The following LINGO2 variants were observed in gnomAD, a reference collection of about 807,000 sequenced individuals.
LINGO2 encodes the protein leucine rich repeat and Ig domain containing 2.
LINGO2 carries 14 observed loss-of-function variants against 30.6 expected under a neutral mutation model. The ratio of observed to expected loss-of-function variants is 0.46; its 90% confidence interval spans 0.30 to 0.72. The LOEUF is 0.72. LINGO2 is among the 30% of genes least tolerant of loss of function. The pLI, the probability that LINGO2 is intolerant of heterozygous loss-of-function variation, is 0.07. For missense variants in LINGO2, 729 were observed against 751.7 expected, an observed-to-expected ratio of 0.97 and a Z score of 0.35; for synonymous variants, 317 against 288.5, an observed-to-expected ratio of 1.10 and a Z score of -1.00.
intron 4 of LINGO2, among the ~76,000 whole-genome samples, chr9:28,067,047 G>A (rs1825333778): frequency 6.6e-6 from 1 of 151,942 alleles, no homozygotes; most frequent in Admixed American, 6.6e-5. Context: ...TGCTTAATAA[G>A]TAATATCTGC....
intron 5 of LINGO2, among the ~76,000 whole-genome samples, chr9:28,000,650 A>G (rs10812717): frequency 0.12 from 18,206 of 152,234 alleles, 1,224 homozygotes; most frequent in Non-Finnish European, 0.16. Flanking sequence ...AATGTCTGAC[A>G]CAGTGATAAG....
At chr9:27,947,527 T>C (rs978963238), downstream of LINGO2, among the ~76,000 whole-genome samples, 4 of 152,154 alleles carry the variant, frequency 2.6e-5, no homozygotes, top group African/African-American at 9.7e-5. Flanking sequence ...CTCTTTATTA[T>C]ACAAGATAAT....
intron 1 of LINGO2, among the ~76,000 whole-genome samples, chr9:28,546,209 T>C (rs1821929571): frequency 6.6e-6 from 1 of 151,996 alleles, no homozygotes; most frequent in South Asian, 2.1e-4. Flanking sequence ...TTTGGTAGTG[T>C]AGGGGTAGAC....
intron 4 of LINGO2, among the ~76,000 whole-genome samples, chr9:28,214,425 C>A (rs938394320): frequency 1.3e-5 from 2 of 151,446 alleles, no homozygotes; most frequent in Non-Finnish European, 3.0e-5. Flanking sequence ...TCTGTCTACC[C>A]GAAGAAAATT....
chr9:28,836,252 C>G, the LINGO2 span, among the ~76,000 whole-genome samples: 2 of 152,310 alleles, frequency 1.3e-5, no homozygotes, highest in African/African-American at 2.4e-5. Context: ...CTATCTGTCT[C>G]TAAGCCCAGT....
chr9:28,037,358 G>A (rs1823987853), intron 4 of LINGO2, among the ~76,000 whole-genome samples: 1 of 152,090 alleles, frequency 6.6e-6, no homozygotes, highest in South Asian at 2.1e-4. Context: ...AGACTAAATT[G>A]CTTACTATTT....
the LINGO2 span, among the ~76,000 whole-genome samples, chr9:28,812,200 G>A: frequency 6.6e-6 from 1 of 151,748 alleles, no homozygotes; most frequent in Non-Finnish European, 1.5e-5. Flanking sequence ...AGAGGAGAAG[G>A]GCTACCTGTC....
At chr9:28,545,658 AG>A (rs145496813) in intron 1 of LINGO2, among the ~76,000 whole-genome samples, 11 of 151,884 alleles carry the variant, frequency 7.2e-5, no homozygotes, top group Non-Finnish European at 1.6e-4. Flanking sequence ...GAGGAAAAAG[AG>A]GGGGGGAACT....
chr9:28,683,619 T>A, the LINGO2 span, among the ~76,000 whole-genome samples: 1 of 152,300 alleles, frequency 6.6e-6, no homozygotes, highest in East Asian at 1.9e-4. Context: ...GGTTCTCTCC[T>A]AGATGCCCAT....
chr9:28,011,665 G>A (rs531415560), intron 5 of LINGO2, among the ~76,000 whole-genome samples: 2 of 152,126 alleles, frequency 1.3e-5, no homozygotes, highest in Admixed American at 6.6e-5. Context: ...ATATATATTA[G>A]TTAGAAGCTT....
At chr9:28,544,982 T>C (rs1034866586) in intron 1 of LINGO2, among the ~76,000 whole-genome samples, 12 of 151,608 alleles carry the variant, frequency 7.9e-5, no homozygotes, top group Admixed American at 1.3e-4. Flanking sequence ...AGGTACTATG[T>C]TAATTATGTT....
rs1020154187 is a variant in LINGO2 at position 28,523,045 on chromosome 9, G to A, written c.-364-47020C>T. ...GGAGTGAAAATATAAGAGATTAGGC[G>A]AAGAAAATCTAACACAGCCATAATT... On this transcript the variant is annotated intron_variant, in intron 1 of 5. Transcript: ENST00000379992. Among the ~76,000 whole-genome samples, 5 of 150,986 alleles carry A rather than the reference G, an allele frequency of 3.3e-5. No homozygotes were observed. In the East Asian group the frequency reaches 5.9e-4, roughly 18 times the overall value.
At chr9:28,489,646 C>T (rs1473887426) in intron 1 of LINGO2, among the ~76,000 whole-genome samples, 1 of 151,934 alleles carries the variant, frequency 6.6e-6, no homozygotes, top group Non-Finnish European at 1.5e-5. Context: ...ACACCTTAAT[C>T]CCAGCACTTT....
chr9:28,907,133 A>G, the LINGO2 span, among the ~76,000 whole-genome samples: 13 of 151,890 alleles, frequency 8.6e-5, no homozygotes, highest in Non-Finnish European at 1.3e-4. Flanking sequence ...TTGATTTTCT[A>G]TGATCTGTAT....
chr9:28,108,926 G>C (rs1362871646), intron 4 of LINGO2, among the ~76,000 whole-genome samples: 3 of 152,032 alleles, frequency 2.0e-5, no homozygotes, highest in African/African-American at 7.2e-5. Context: ...ACATAAGCCT[G>C]TGCTTTGTCT....
At chr9:29,123,767 T>G in the LINGO2 span, among the ~76,000 whole-genome samples, 1 of 152,082 alleles carries the variant, frequency 6.6e-6, no homozygotes, top group African/African-American at 2.4e-5. Context: ...TAATAAAACT[T>G]AAATATTTAT....
At chr9:28,831,884 T>A in the LINGO2 span, among the ~76,000 whole-genome samples, 4 of 152,186 alleles carry the variant, frequency 2.6e-5, no homozygotes, top group Admixed American at 6.5e-5. Flanking sequence ...AGCCTTAATG[T>A]AAACTTAATT....
intron 4 of LINGO2, among the ~76,000 whole-genome samples, chr9:28,051,181 G>A (rs1163029190): frequency 7.1e-6 from 1 of 141,578 alleles, no homozygotes; most frequent in East Asian, 2.2e-4. Context: ...AATCACAGAT[G>A]CAGTTGAGGT....
At chr9:28,242,107 T>C (rs4364722) in intron 4 of LINGO2, among the ~76,000 whole-genome samples, 71,517 of 151,896 alleles carry the variant, frequency 0.47, 17,045 homozygotes, top group African/African-American at 0.53. Context: ...GGGGCCAGAA[T>C]TGGATGGAGG....
Sources: gnomAD v4.1 joint callset for allele counts (sites outside exome capture counted in the v4.1 genomes callset) on GRCh38, gnomAD v4.1.1 for gene constraint, MANE v1.5 for transcripts, NCBI Gene and HGNC (gene_info 2026-07-23, HGNC 2026-07-21) for gene names.